Variants in AGBL1 observed in about 807,000 individuals in gnomAD.
AGBL1 encodes AGBL carboxypeptidase 1.
Under a neutral mutation model 118.9 loss-of-function variants are expected in AGBL1, and 130 were observed. The observed-to-expected ratio is 1.09, with a 90% CI of 0.95 to 1.26. AGBL1 has a LOEUF of 1.26. AGBL1 is among the 50% of genes most tolerant of loss of function. The pLI is 0.00. For synonymous variants in AGBL1, 555 were observed against 478.9 expected, an observed-to-expected ratio of 1.16 and a Z score of -2.08; for missense variants, 1,584 against 1,298.1, an observed-to-expected ratio of 1.22 and a Z score of -3.38.
chr15:86,319,987 C>G (rs147071426), intron 17 of AGBL1, among the ~76,000 whole-genome samples: 2 of 151,978 alleles, frequency 1.3e-5, no homozygotes. Context: ...AAACTCCTGA[C>G]CTCAGGTGAT....
At chr15:86,338,146 A>G (rs1179807821) in intron 17 of AGBL1, among the ~76,000 whole-genome samples, 1 of 152,228 alleles carries the variant, frequency 6.6e-6, no homozygotes, top group Non-Finnish European at 1.5e-5. Flanking sequence ...GCTCTGAATT[A>G]TGAGAAAAGG....
At chr15:87,018,071 G>T (rs1045771190) in intron 24 of AGBL1, among the ~76,000 whole-genome samples, 3 of 151,972 alleles carry the variant, frequency 2.0e-5, no homozygotes, top group African/African-American at 4.8e-5. Context: ...TAAGAATAGA[G>T]AAAAATAATG....
intron 22 of AGBL1, among the ~76,000 whole-genome samples, chr15:86,790,701 C>A (rs2078480542): frequency 6.6e-6 from 1 of 152,120 alleles, no homozygotes; most frequent in Non-Finnish European, 1.5e-5. Context: ...TAGCAACTTA[C>A]TCTCAGGACT....
At position 87,018,409 on chromosome 15, in the gene AGBL1, G is replaced by A. The variant is rs183860503; in HGVS notation, c.3324-10416G>A. ...AAGGGAAGCCCATCAGACTAACAAT[G>A]GACATCTCAGAAGAAATCCTACAAG... On this transcript the variant is annotated intron_variant, in intron 24 of 24. Transcript: ENST00000441037. Among the ~76,000 whole-genome samples, 514 of 152,192 alleles carry A rather than the reference G, an allele frequency of 3.4e-3. 3 individuals carry two copies. The highest frequency in any genetic ancestry group is 6.8e-3 in the Middle Eastern group (2 of 294).
rs1291460423 is a variant in AGBL1 at position 86,397,541 on chromosome 15, C to A, written c.2550C>A (p.Asn850Lys). Residue 850 changes from asparagine to lysine, a missense_variant, in exon 18 of 23, where the codon AAC (asparagine) becomes AAA (lysine). Asn to Lys is a moderately conservative substitution (Grantham distance 94). Transcript: ENST00000614907. The part of the protein sequence containing the change: ...IPMLNPDGVI[N>K]GNHRCSLSGE... Reference sequence around the variant, plus strand: ...TGCTCAACCCAGATGGTGTCATCAACGGCAAGTATGTCAGGCACCTGGCTC... The same window carrying A: ...TGCTCAACCCAGATGGTGTCATCAAAGGCAAGTATGTCAGGCACCTGGCTC... The A allele has an allele frequency of 1.9e-6, 3 of 1,605,710 alleles. No individual in the cohort carries two copies. The highest frequency in any genetic ancestry group is 2.6e-6 in the Non-Finnish European group (3 of 1,175,752).
At chr15:86,837,018 A>C (rs2079179186) in intron 22 of AGBL1, among the ~76,000 whole-genome samples, 1 of 152,152 alleles carries the variant, frequency 6.6e-6, no homozygotes, top group Non-Finnish European at 1.5e-5. Flanking sequence ...TCACAGTTAC[A>C]CCTCTAGCAC....
At chr15:86,357,963 T>G (rs2080747358) in intron 17 of AGBL1, among the ~76,000 whole-genome samples, 2 of 152,156 alleles carry the variant, frequency 1.3e-5, no homozygotes. Context: ...AGATACATTG[T>G]GAAATGATTT....
intron 17 of AGBL1, among the ~76,000 whole-genome samples, chr15:86,384,789 G>C (rs935356479): frequency 6.6e-6 from 1 of 151,710 alleles, no homozygotes; most frequent in Non-Finnish European, 1.5e-5. Context: ...AGAGACAGAG[G>C]GTACAAAATA....
At chr15:86,433,251 C>T (rs933099313) in intron 18 of AGBL1, among the ~76,000 whole-genome samples, 2 of 137,276 alleles carry the variant, frequency 1.5e-5, no homozygotes, top group African/African-American at 6.0e-5. Flanking sequence ...TCTCCTCCTC[C>T]TCCTCCTCCT....
At chr15:86,681,650 A>C (rs2085959726) in intron 22 of AGBL1, among the ~76,000 whole-genome samples, 1 of 152,220 alleles carries the variant, frequency 6.6e-6, no homozygotes, top group Non-Finnish European at 1.5e-5. Flanking sequence ...ATCATGACTT[A>C]CAATTAGTCA....
At chr15:86,698,754 A>G (rs543506436) in intron 22 of AGBL1, among the ~76,000 whole-genome samples, 1 of 151,958 alleles carries the variant, frequency 6.6e-6, no homozygotes, top group Non-Finnish European at 1.5e-5. Flanking sequence ...AGACAGTAGG[A>G]ATTTGAGACA....
At chr15:86,481,060 A>T (rs567464053) in intron 18 of AGBL1, among the ~76,000 whole-genome samples, 202 of 152,076 alleles carry the variant, frequency 1.3e-3, no homozygotes, top group African/African-American at 4.7e-3. Context: ...GCAGAACAAA[A>T]GAGGAAGAAG....
At position 86,244,085 on chromosome 15, in the gene AGBL1, A is replaced by AT. The variant is rs1345997172; in HGVS notation, c.527-3586_527-3585insT. ...TAAGTAAATAAATAAATAAATAAAT[A>AT]AATATATATATAAGTAAATAGACAC... On this transcript the variant is annotated intron_variant, in intron 6 of 22. Coordinates refer to ENST00000614907, the MANE Select transcript of AGBL1 (RefSeq NM_001386094.1). 4.7e-5 allele frequency among the ~76,000 whole-genome samples: 7 copies of AT among 149,586 alleles called. No homozygotes were observed. In the South Asian group the frequency reaches 8.4e-4, roughly 18 times the overall value.
chr15:86,554,376 C>T lies in AGBL1; in HGVS notation c.2833C>T (p.Leu945Phe). 2 of 1,580,416 alleles carry T rather than the reference C, an allele frequency of 1.3e-6. No homozygotes were observed. Among genetic ancestry groups the T allele is most frequent in the Non-Finnish European group, 1.7e-6 (2 of 1,163,172 alleles). Residue 945 changes from leucine to phenylalanine, a missense_variant, in exon 21 of 23, where the codon CTT (leucine) becomes TTT (phenylalanine). By Grantham distance (22) the Leu-to-Phe change is conservative (BLOSUM62 0). Transcript: ENST00000614907. Reference sequence around the variant, plus strand: ...TTTACTGTAGACTCTTCCCAAAATCCTTGATAAGCTAGCACCAGCATTCAC... The same window carrying T: ...TTTACTGTAGACTCTTCCCAAAATCTTTGATAAGCTAGCACCAGCATTCAC... ...EVNYRTLPKI[L>F]DKLAPAFTMS...
intron 18 of AGBL1, among the ~76,000 whole-genome samples, chr15:86,416,349 G>A (rs1466543570): frequency 6.6e-6 from 1 of 152,170 alleles, no homozygotes; most frequent in Non-Finnish European, 1.5e-5. Flanking sequence ...GGTGTTAAAT[G>A]AAAATGTCCA....
At chr15:86,249,763 A>C (rs2078780185) in intron 7 of AGBL1, among the ~76,000 whole-genome samples, 1 of 152,236 alleles carries the variant, frequency 6.6e-6, no homozygotes, top group Non-Finnish European at 1.5e-5. Flanking sequence ...AACAATAAAC[A>C]AAACAAACAA....
At chr15:86,368,377 C>T (rs1464396217) in intron 17 of AGBL1, among the ~76,000 whole-genome samples, 3 of 152,022 alleles carry the variant, frequency 2.0e-5, no homozygotes, top group African/African-American at 7.3e-5. Flanking sequence ...AGAAAGACAG[C>T]CAACAAAGCC....
chr15:86,822,421 A>G (rs2078954048), intron 22 of AGBL1, among the ~76,000 whole-genome samples: 1 of 152,156 alleles, frequency 6.6e-6, no homozygotes, highest in Non-Finnish European at 1.5e-5. Context: ...TGGCACCAGA[A>G]CTAGGCTGTT....
intron 18 of AGBL1, among the ~76,000 whole-genome samples, chr15:86,461,697 A>G (rs1450912243): frequency 6.6e-6 from 1 of 152,214 alleles, no homozygotes; most frequent in Non-Finnish European, 1.5e-5. Flanking sequence ...TATCTATAAC[A>G]TATATAAAAC....
Sources: gnomAD v4.1 joint callset for allele counts (sites outside exome capture counted in the v4.1 genomes callset) on GRCh38, gnomAD v4.1.1 for gene constraint, MANE v1.5 for transcripts, NCBI Gene and HGNC (gene_info 2026-07-23, HGNC 2026-07-21) for gene names.